TSHR: variants seen among roughly 807,000 people sequenced by gnomAD.
TSHR encodes the protein thyroid stimulating hormone receptor, also known as thyrotropin receptor.
A neutral mutation model predicts 64.1 loss-of-function variants in TSHR; 51 were observed. The ratio of observed to expected loss-of-function variants is 0.80; its 90% CI spans 0.64 to 1.01. TSHR has a LOEUF of 1.01. Ranked by LOEUF, TSHR falls within the 50% of genes least tolerant of loss-of-function variation. The pLI is 0.00. For missense variants in TSHR, 877 were observed against 942.8 expected (o/e 0.93, Z 0.91); for synonymous variants, 361 against 361.9 (o/e 1.00, Z 0.03).
At chr14:81,053,849 A>G (rs754538057) in intron 1 of TSHR, 1 of 152,248 alleles carries the variant, frequency 6.6e-6, no homozygotes, top group Admixed American at 6.5e-5. Context: ...CATATTCATA[A>G]TTAGCAATAA....
At chr14:80,988,352 G>T (rs898465310) in intron 1 of TSHR, among the ~76,000 whole-genome samples, 3 of 152,164 alleles carry the variant, frequency 2.0e-5, no homozygotes, top group African/African-American at 7.2e-5. Context: ...ATGGCAGAAG[G>T]TGAAGGGGAA....
At chr14:81,055,725 G>A (rs549116220) in intron 1 of TSHR, among the ~76,000 whole-genome samples, 1 of 152,122 alleles carries the variant, frequency 6.6e-6, no homozygotes, top group Non-Finnish European at 1.5e-5. Flanking sequence ...CCTTTGTTTT[G>A]GCCAATTTCT....
In TSHR at chr14:81,021,231, G is replaced by C. The variant is rs184778486; in HGVS notation, c.171-40917G>C. On this transcript the variant is annotated intron_variant, in intron 1 of 9. Transcript: ENST00000298171. ...CCTGGTACCAAAAAGGTTGGGAACC[G>C]CTGCTCTAGAATGTCCCCCTTGGCT... 3.8e-3 allele frequency among the ~76,000 whole-genome samples: 575 copies of C among 152,042 alleles called. 8 individuals are homozygous for C. Among genetic ancestry groups the C allele is most frequent in the African/African-American group, 0.013 (559 of 41,486 alleles).
chr14:81,092,698 C>A (rs1888848592), intron 6 of TSHR, 90 bp downstream of exon 6: 2 of 1,143,320 alleles, frequency 1.7e-6, no homozygotes, highest in Non-Finnish European at 2.6e-6. Context: ...AGCCATACTG[C>A]CTTATCATAT....
chr14:81,097,719 A>AT (rs1013309206), intron 7 of TSHR, among the ~76,000 whole-genome samples: 10 of 152,208 alleles, frequency 6.6e-5, no homozygotes, highest in Middle Eastern at 3.4e-3. Context: ...GAACAATTCC[A>AT]TTTTTAAATG....
chr14:81,015,763 C>A (rs1028426349), intron 1 of TSHR, among the ~76,000 whole-genome samples: 2 of 151,906 alleles, frequency 1.3e-5, no homozygotes, highest in Non-Finnish European at 2.9e-5. Flanking sequence ...ATCCTTTCAC[C>A]AACATTTCCC....
intron 7 of TSHR, chr14:81,102,773 T>G (rs1889668063): frequency 6.1e-6 from 6 of 985,072 alleles, no homozygotes; most frequent in Non-Finnish European, 7.2e-6. Flanking sequence ...GATAAAAGTA[T>G]TCAGTGAGGA....
intron 1 of TSHR, chr14:80,983,360 GA>G: frequency 9.1e-7 from 1 of 1,097,262 alleles, no homozygotes; most frequent in Non-Finnish European, 1.3e-6. Context: ...TGCCATCCTT[GA>G]GAAAGTACAA....
rs1347835071 is a variant in TSHR, at chr14:81,062,164, C to T, written c.187C>T (p.His63Tyr). 6.2e-7 allele frequency: 1 copy of T among 1,611,636 alleles called. No individual in the cohort carries two copies. Among genetic ancestry groups the T allele is most frequent in the African/African-American group, 1.3e-5 (1 of 74,952 alleles). Residue 63 changes from histidine (H) to tyrosine (Y), a missense_variant, in exon 2 of 10, where the codon CAC (histidine) becomes TAC (tyrosine). His to Tyr is a moderately conservative substitution (Grantham distance 83, BLOSUM62 2). Coordinates refer to ENST00000298171, the MANE Select transcript of TSHR (RefSeq NM_000369.5). ...TTTTCACAGGAAGCTTATTGAGACT[C>T]ACCTGAGAACTATTCCAAGTCATGC... The part of the protein sequence containing the change: ...STQTLKLIET[H>Y]LRTIPSHAFS...
In TSHR at chr14:81,144,528, A is replaced by T; in HGVS notation, c.*175A>T. On this transcript the variant is annotated 3_prime_UTR_variant, in exon 10 of 10. Transcript: ENST00000298171. ...TCTGGAGAGTGATTAGTATTAACCT[A>T]ATCATTGCCCCCAAGAAGGAAGTTA... The T allele has an allele frequency of 3.0e-6, 2 of 664,788 alleles. No homozygotes were observed. Among genetic ancestry groups the T allele is most frequent in the Non-Finnish European group, 5.1e-6 (2 of 395,598 alleles). 41.2% of individuals were successfully genotyped at this position (664,788 alleles called of 1,614,324 possible).
intron 1 of TSHR, among the ~76,000 whole-genome samples, chr14:80,977,477 A>G (rs886652313): frequency 2.6e-5 from 4 of 152,330 alleles, no homozygotes; most frequent in East Asian, 3.9e-4. Context: ...ACTGGCTTCC[A>G]TGGTCAAATA....
rs748986847 is a variant in TSHR, at chr14:81,037,419, C to CAA, written c.171-24726_171-24725dup. 1.9e-4 allele frequency among the ~76,000 whole-genome samples: 19 copies of CAA among 99,110 alleles called. No homozygotes were observed. The South Asian group carries it at 2.2e-3, about 12-fold the overall frequency. 65.0% of individuals were successfully genotyped at this position (99,110 alleles called of 152,430 possible). A position where few individuals can be genotyped will look rare whatever the true frequency, so the allele number is the denominator to read the frequency against. ...GAGGGAAAAAGGAACAAAGGAAATA[C>CAA]AAAACAAACAAACAAACAAACAAAC... On this transcript the variant is annotated intron_variant, in intron 1 of 9. Transcript: ENST00000298171.
chr14:81,012,318 A>C (rs1054826490), intron 1 of TSHR: 1 of 150,652 alleles, frequency 6.6e-6, no homozygotes, highest in African/African-American at 2.5e-5. Flanking sequence ...TATGTGCCAC[A>C]TTTTCTTAAT....
At chr14:80,973,074 C>A (rs1422091902) in intron 1 of TSHR, among the ~76,000 whole-genome samples, 1 of 152,062 alleles carries the variant, frequency 6.6e-6, no homozygotes, top group African/African-American at 2.4e-5. Flanking sequence ...TGCTGTAATA[C>A]CTTATACCTT....
chr14:81,045,071 A>G (rs1471553760), intron 1 of TSHR, among the ~76,000 whole-genome samples: 1 of 152,232 alleles, frequency 6.6e-6, no homozygotes, highest in East Asian at 1.9e-4. Context: ...GCGGCCATAA[A>G]AAGGAATGAG....
At chr14:80,975,779 A>G (rs1025783503) in intron 1 of TSHR, among the ~76,000 whole-genome samples, 13 of 152,138 alleles carry the variant, frequency 8.5e-5, no homozygotes, top group Admixed American at 8.5e-4. Flanking sequence ...TCTCCACATC[A>G]TACTCCTTGA....
chr14:80,965,671 C>A (rs1422771063), intron 1 of TSHR, among the ~76,000 whole-genome samples: 1 of 152,172 alleles, frequency 6.6e-6, no homozygotes, highest in Admixed American at 6.5e-5. Context: ...AAAATGGTCC[C>A]ATTTGTTCAA....
At chr14:80,962,868 A>G (rs933875456) in intron 1 of TSHR, among the ~76,000 whole-genome samples, 26 of 152,200 alleles carry the variant, frequency 1.7e-4, no homozygotes, top group African/African-American at 6.0e-4. Flanking sequence ...GTGTAAAATA[A>G]TTCCCATAGA....
chr14:81,093,192 G>C (rs1440751394), intron 6 of TSHR, among the ~76,000 whole-genome samples: 1 of 152,206 alleles, frequency 6.6e-6, no homozygotes, highest in Non-Finnish European at 1.5e-5. Flanking sequence ...CTGTTATTAA[G>C]CTCCTGTAAG....
Sources: allele counts gnomAD v4.1 joint callset (sites outside exome capture counted in the v4.1 genomes callset), GRCh38; gene constraint gnomAD v4.1.1; transcripts MANE v1.5; gene names NCBI Gene and HGNC (gene_info 2026-07-23, HGNC 2026-07-21).